SCN7A: variants seen among roughly 807,000 people sequenced by gnomAD.
The protein encoded by SCN7A is sodium channel protein type 7 subunit alpha.
SCN7A carries 138 observed loss-of-function variants against 155.2 expected under a neutral mutation model. That is an observed-to-expected ratio of 0.89 (90% confidence interval 0.77 to 1.02). The LOEUF (loss-of-function observed/expected upper bound fraction) is 1.02. Among genes scored for constraint, SCN7A ranks in the 50% least tolerant of loss-of-function variants. The probability of loss-of-function intolerance (pLI) is 0.00; values close to 1 mark genes in which losing one functional copy is unlikely to be tolerated. For synonymous variants in SCN7A, 693 were observed against 649.0 expected, an observed-to-expected ratio of 1.07 and a Z score of -1.03; for missense variants, 2,058 against 1,986.6, an observed-to-expected ratio of 1.04 and a Z score of -0.68.
At position 166,454,696 on chromosome 2, in the gene SCN7A, C is replaced by T. The variant is rs1702240055; in HGVS notation, c.1290+2174G>A. ...CTTCTCTCTATTTTTCGTTCTCTGG[C>T]TCAATATAGACCTTTTTCCCATTTA... On this transcript the variant is annotated intron_variant, in intron 11 of 25. Coordinates refer to ENST00000643258, the MANE Select transcript of SCN7A (RefSeq NM_002976.4). 2.0e-5 allele frequency among the ~76,000 whole-genome samples: 3 copies of T among 152,054 alleles called. No homozygotes were observed. The South Asian group carries it at 6.2e-4, about 31-fold the overall frequency.
Position 166,477,675 on chromosome 2 carries a change from T to G in SCN7A, c.22A>C (p.Lys8Gln). The G allele has an allele frequency of 5.1e-6, 8 of 1,578,836 alleles. No individual in the cohort carries two copies. Among genetic ancestry groups the G allele is most frequent in the Non-Finnish European group, 6.9e-6 (8 of 1,166,826 alleles). The change falls in exon 3 of 26, where the codon AAG becomes CAG. Residue 8 changes from lysine (K) to glutamine (Q), a missense_variant. Lys to Gln is a moderately conservative substitution (Grantham distance 53, BLOSUM62 1). Coordinates refer to ENST00000643258, the MANE Select transcript of SCN7A (RefSeq NM_002976.4). Reference protein sequence around the residue: MLASPEPKGLVPFTKESF... With the variant: MLASPEPQGLVPFTKESF... ...TCTTTAGTGAAGGGAACAAGGCCCTTAGGTTCTGGTGAAGCCAACATTTCC... is the reference window on the plus strand; with the variant it reads ...TCTTTAGTGAAGGGAACAAGGCCCTGAGGTTCTGGTGAAGCCAACATTTCC...
At chr2:166,442,269 C>T (rs140930639) in intron 14 of SCN7A, among the ~76,000 whole-genome samples, 12 of 152,210 alleles carry the variant, frequency 7.9e-5, no homozygotes, top group African/African-American at 2.4e-4. Flanking sequence ...TTTCAAATTT[C>T]TGTTTATACA....
chr2:166,474,986 C>T (rs1222798700), intron 3 of SCN7A, among the ~76,000 whole-genome samples: 1 of 148,818 alleles, frequency 6.7e-6, no homozygotes, highest in Non-Finnish European at 1.5e-5. Context: ...AGTCATATAT[C>T]TATGTGTACA....
At chr2:166,444,202 T>C (rs904280403) in intron 13 of SCN7A, among the ~76,000 whole-genome samples, 14 of 152,234 alleles carry the variant, frequency 9.2e-5, no homozygotes, top group African/African-American at 2.9e-4. Flanking sequence ...TTAAACAATA[T>C]ACATTTGCTT....
chr2:166,450,370 C>T (rs779030161), intron 11 of SCN7A, among the ~76,000 whole-genome samples: 2 of 152,104 alleles, frequency 1.3e-5, no homozygotes, highest in Non-Finnish European at 2.9e-5. Context: ...CTATCGCTCA[C>T]TACCTGGGTG....
intron 10 of SCN7A, among the ~76,000 whole-genome samples, chr2:166,460,253 C>G (rs551631297): frequency 1.3e-5 from 2 of 152,184 alleles, no homozygotes; most frequent in African/African-American, 2.4e-5. Flanking sequence ...CAAACGCTAA[C>G]AAGAAAATTA....
At position 166,468,153 on chromosome 2, in the gene SCN7A, TTTG is replaced by T. The variant is rs1359629134; in HGVS notation, c.665-2169_665-2167del. 6.6e-5 allele frequency among the ~76,000 whole-genome samples: 10 copies of T among 152,190 alleles called. No homozygotes were observed. The South Asian group carries it at 1.9e-3, about 28-fold the overall frequency. On this transcript the variant is annotated intron_variant, in intron 7 of 25. Coordinates refer to ENST00000643258, the MANE Select transcript of SCN7A (RefSeq NM_002976.4). Reference sequence around the variant, plus strand: ...ATTTCTCTATTCTTACTTCTCAGTTTTTGTTAATATAAGTAATGACCTTTGACC... The same window carrying T: ...ATTTCTCTATTCTTACTTCTCAGTTTTTAATATAAGTAATGACCTTTGACC...
Position 166,410,076 on chromosome 2 carries a change from A to AGGG in SCN7A, c.3712-142_3712-141insCCC, listed in dbSNP as rs573376236. ...AAATTTTTGCCAAACTATAACATAT[A>AGGG]GTCAAAACAAACAAACAAAATGACC... On this transcript the variant is annotated intron_variant, in intron 24 of 25. Coordinates refer to ENST00000643258, the MANE Select transcript of SCN7A (RefSeq NM_002976.4). 4,970 of 1,120,648 alleles carry AGGG rather than the reference A, an allele frequency of 4.4e-3. 23 individuals are homozygous for AGGG. Among genetic ancestry groups the AGGG allele is most frequent in the Non-Finnish European group, 5.6e-3 (4,487 of 805,756 alleles). 69.4% of individuals were successfully genotyped at this position (1,120,648 alleles called of 1,614,324 possible).
intron 3 of SCN7A, among the ~76,000 whole-genome samples, chr2:166,475,124 A>ATATACGTATATATATATATATATATACG (rs1559125349): frequency 1.7e-5 from 2 of 120,124 alleles, no homozygotes; most frequent in Non-Finnish European, 3.6e-5. Flanking sequence ...ATATATACAT[A>ATATACGTATATATATATATATATATACG]TATATATATA....
At position 166,470,686 on chromosome 2, in the gene SCN7A, G is replaced by A. The variant is rs749563364; in HGVS notation, c.593C>T (p.Pro198Leu). 2 of 1,608,400 alleles carry A rather than the reference G, an allele frequency of 1.2e-6. No individual in the cohort carries two copies. The highest frequency in any genetic ancestry group is 2.2e-5 in the South Asian group (2 of 90,682). The change falls in exon 7 of 26, where the codon CCT becomes CTT. Residue 198 changes from proline (P) to leucine (L), a missense_variant. Physicochemically the swap from Pro to Leu is moderately conservative, Grantham distance 98. Coordinates refer to ENST00000643258, the MANE Select transcript of SCN7A (RefSeq NM_002976.4). ...TVFEVIIRYS[P>L]LDFIPTLQTA... The stretch of plus-strand genomic sequence containing the variant: ...TTGAAGCGTTGGAATGAAGTCCAGA[G>A]GTGAGTATCTTATAATAACCCTGTG...
chr2:166,425,217 T>C (rs1204763829), intron 18 of SCN7A, among the ~76,000 whole-genome samples: 1 of 152,078 alleles, frequency 6.6e-6, no homozygotes, highest in Non-Finnish European at 1.5e-5. Flanking sequence ...AAAACTCTCT[T>C]TAAGGTCTAC....
rs149757420 is a variant in SCN7A, at chr2:166,408,487, T to C, written c.3982+1178A>G. On this transcript the variant is annotated intron_variant, in intron 25 of 25. Coordinates refer to ENST00000643258, the MANE Select transcript of SCN7A (RefSeq NM_002976.4). ...GAAACTGCAAATTCAAACTGCTTTCTCTCTGACTGCAATTGCTTTTCCTTC... is the reference window on the plus strand; with the variant it reads ...GAAACTGCAAATTCAAACTGCTTTCCCTCTGACTGCAATTGCTTTTCCTTC... 8.5e-3 allele frequency among the ~76,000 whole-genome samples: 1,291 copies of C among 152,160 alleles called. 10 individuals are homozygous for C. Among genetic ancestry groups the C allele is most frequent in the Non-Finnish European group, 0.013 (915 of 67,958 alleles).
chr2:166,411,537 A>C (rs1398590914), intron 23 of SCN7A, among the ~76,000 whole-genome samples: 4 of 152,072 alleles, frequency 2.6e-5, no homozygotes, highest in Non-Finnish European at 5.9e-5. Context: ...CAAGAAAAAA[A>C]AACATATGCT....
chr2:166,412,628 A>T lies in SCN7A; in HGVS notation c.3508T>A (p.Tyr1170Asn), dbSNP rs1559086767. The T allele has an allele frequency of 1.3e-6, 2 of 1,524,024 alleles. No individual in the cohort carries two copies. 94.4% of individuals were successfully genotyped at this position (1,524,024 alleles called of 1,614,324 possible). The change falls in exon 23 of 26, where the codon TAT (tyrosine) becomes AAT (asparagine). Residue 1170 changes from tyrosine (Y) to asparagine (N), a missense_variant. Physicochemically the swap from Tyr to Asn is moderately radical, Grantham distance 143. Transcript: ENST00000643258. ...QPHFEVNIYM[Y>N]CYFINFIIFG... ...ATAATAAAGTTGATAAAGTAACAAT[A>T]CATGTAGATGTTGACTTCAAAATGA...
rs189417174 is a variant in SCN7A at position 166,441,392 on chromosome 2, T to G, written c.2157+4A>C. 1.2e-5 allele frequency: 19 copies of G among 1,570,400 alleles called. No homozygotes were observed. The East Asian group carries it at 4.3e-4, about 35-fold the overall frequency. ...TGGAAAATGTAAAAGAATTGACTAC[T>G]TACCAGTAAATTTCCAATTAAAATG... is the stretch of plus-strand genomic sequence containing the variant. On this transcript the variant is annotated splice_donor_region_variant and intron_variant, in intron 15 of 25. Transcript: ENST00000643258.
chr2:166,450,566 C>T (rs1702155953), intron 11 of SCN7A, among the ~76,000 whole-genome samples: 1 of 152,098 alleles, frequency 6.6e-6, no homozygotes, highest in Non-Finnish European at 1.5e-5. Context: ...CTTTGGGAGG[C>T]CGAGGCGAGC....
intron 2 of SCN7A, among the ~76,000 whole-genome samples, chr2:166,482,763 CA>C (rs34623846): frequency 0.088 from 12,561 of 142,340 alleles, 951 homozygotes; most frequent in African/African-American, 0.2. Context: ...TGCGATACTG[CA>C]AAAAAAAAAA....
intron 1 of SCN7A, among the ~76,000 whole-genome samples, chr2:166,489,424 G>A (rs533446947): frequency 6.6e-5 from 10 of 152,226 alleles, no homozygotes; most frequent in Admixed American, 2.0e-4. Flanking sequence ...TGAACATAAC[G>A]CACCATGTGT....
chr2:166,429,290 C>A lies in SCN7A; in HGVS notation c.2593-16G>T. On this transcript the variant is annotated splice_polypyrimidine_tract_variant and intron_variant, in intron 16 of 25. Coordinates refer to ENST00000643258, the MANE Select transcript of SCN7A (RefSeq NM_002976.4). ...GCTTTATTTTCTAAAAGGTGAAGTCCCACCAAAAAAGTTGTGATTAAAGTT... is the reference window on the plus strand; with the variant it reads ...GCTTTATTTTCTAAAAGGTGAAGTCACACCAAAAAAGTTGTGATTAAAGTT... 6.9e-7 allele frequency: 1 copy of A among 1,450,424 alleles called. No homozygotes were observed. Among genetic ancestry groups the A allele is most frequent in the South Asian group, 1.3e-5 (1 of 74,820 alleles). 89.8% of individuals were successfully genotyped at this position (1,450,424 alleles called of 1,614,324 possible).
Sources: allele counts gnomAD v4.1 joint callset (sites outside exome capture counted in the v4.1 genomes callset), GRCh38; gene constraint gnomAD v4.1.1; transcripts MANE v1.5; gene names NCBI Gene and HGNC (gene_info 2026-07-23, HGNC 2026-07-21).